Variants in NOMO3 observed in about 807,000 individuals in gnomAD.
NOMO3 encodes NODAL modulator 3.
In NOMO3, 15 loss-of-function variants were observed where a neutral mutation model predicts 69.9. The observed-to-expected ratio is 0.21, with a 90% CI of 0.14 to 0.33. The LOEUF is 0.33. Ranked by LOEUF, NOMO3 falls within the 10% of genes least tolerant of loss-of-function variation. The pLI, the probability that NOMO3 is intolerant of heterozygous loss-of-function variation, is 1.00. For missense variants in NOMO3, 218 were observed against 761.0 expected, an observed-to-expected ratio of 0.29 and a Z score of 8.39; for synonymous variants, 89 against 301.9, an observed-to-expected ratio of 0.29 and a Z score of 7.31.
chr16:16,265,304 C>A (rs2049602641), intron 15 of NOMO3, 125 bp downstream of exon 15: 1 of 1,567,130 alleles, frequency 6.4e-7, no homozygotes, highest in Non-Finnish European at 8.6e-7. Context: ...CCTCTGCACT[C>A]ACCCACCTGT....
rs549481435 is a variant in NOMO3, at chr16:16,257,692, G to T, written c.1220+1534G>T. ...CATAGGAGCTAAGAAAGTAAGTTTGGGGTAGGAGGTAGGGCCCAACAGGGA... is the reference window on the plus strand; with the variant it reads ...CATAGGAGCTAAGAAAGTAAGTTTGTGGTAGGAGGTAGGGCCCAACAGGGA... On this transcript the variant is annotated intron_variant, in intron 11 of 30. Transcript: ENST00000399336. 1.5e-4 allele frequency among the ~76,000 whole-genome samples: 22 copies of T among 142,980 alleles called. 2 individuals carry two copies. Among genetic ancestry groups the T allele is most frequent in the Admixed American group, 8.1e-4 (12 of 14,776 alleles). The allele number at this position is 142,980 out of a possible 152,430, so 93.8% of individuals were successfully genotyped here.
At chr16:16,266,170 A>AT (rs1326766328) in intron 15 of NOMO3, among the ~76,000 whole-genome samples, 1 of 138,746 alleles carries the variant, frequency 7.2e-6, no homozygotes, top group Non-Finnish European at 1.5e-5. Flanking sequence ...GGCAGATGTC[A>AT]TCGTCAGGTC....
chr16:16,232,541 T>TGGC lies in NOMO3; in HGVS notation c.-117_-115dup. 3 of 1,231,484 alleles carry TGGC rather than the reference T, an allele frequency of 2.4e-6. No homozygotes were observed. Among genetic ancestry groups the TGGC allele is most frequent in the Non-Finnish European group, 1.0e-6 (1 of 979,832 alleles). The allele number at this position is 1,231,484 out of a possible 1,614,324, so 76.3% of individuals were successfully genotyped here. ...CGAAGCGCGCGTGCGCGGCGGCGGC[T>TGGC]GGCGGCGGCGGTGGGGCGGGGCCTG... On this transcript the variant is annotated 5_prime_UTR_variant, in exon 1 of 31. Coordinates refer to ENST00000399336, the MANE Select transcript of NOMO3 (RefSeq NM_001004067.4).
intron 15 of NOMO3, among the ~76,000 whole-genome samples, chr16:16,265,994 C>G (rs1381740110): frequency 6.2e-5 from 9 of 145,656 alleles, no homozygotes; most frequent in Non-Finnish European, 1.3e-4. Flanking sequence ...TGTGCCCCAC[C>G]TTCTCTGGTG....
At chr16:16,266,635 C>T (rs1470388338) in intron 15 of NOMO3, 1 of 395,586 alleles carries the variant, frequency 2.5e-6, no homozygotes, top group African/African-American at 2.9e-5. Flanking sequence ...GCCCTGGGAC[C>T]AGCGAGCTAA....
At position 16,237,484 on chromosome 16, in the gene NOMO3, G is replaced by C. The variant is rs111577264; in HGVS notation, c.255+494G>C. Among the ~76,000 whole-genome samples, 17 of 143,466 alleles carry C rather than the reference G, an allele frequency of 1.2e-4. 1 individual carries two copies. Among genetic ancestry groups the C allele is most frequent in the East Asian group, 9.0e-4 (4 of 4,464 alleles). The allele number at this position is 143,466 out of a possible 152,430, so 94.1% of individuals were successfully genotyped here. ...TGTGAAATAAATTTGTACCCTTTTC[G>C]CTCCAATTTTACCTCCCTCTGTAGT... On this transcript the variant is annotated intron_variant, in intron 2 of 30. Transcript: ENST00000399336.
chr16:16,244,531 T>C (rs2049401841), intron 4 of NOMO3, among the ~76,000 whole-genome samples: 1 of 95,230 alleles, frequency 1.1e-5, no homozygotes, highest in Non-Finnish European at 2.0e-5. Context: ...TTTTTTTTTT[T>C]TTTTAAGATG....
chr16:16,255,602 T>C (rs2049503443), intron 9 of NOMO3, 118 bp from the exon 10 acceptor site: 1 of 656,462 alleles, frequency 1.5e-6, no homozygotes, highest in Non-Finnish European at 2.7e-6. Flanking sequence ...GGGCACTGAG[T>C]GTTGGGAGGT....
intron 15 of NOMO3, among the ~76,000 whole-genome samples, chr16:16,265,637 G>GATATATCT (rs2049607141): frequency 2.4e-5 from 1 of 42,380 alleles, no homozygotes; most frequent in Non-Finnish European, 3.5e-5. Context: ...GAGTTTCTCT[G>GATATATCT]ATATATATAT....
At position 16,252,311 on chromosome 16, in the gene NOMO3, T is replaced by C. The variant is rs1301448963; in HGVS notation, c.874-122T>C. 2.4e-5 allele frequency: 35 copies of C among 1,482,174 alleles called. 1 individual carries two copies. Among genetic ancestry groups the C allele is most frequent in the Non-Finnish European group, 2.7e-5 (30 of 1,092,206 alleles). 91.8% of individuals were successfully genotyped at this position (1,482,174 alleles called of 1,614,324 possible). Reference sequence around the variant, plus strand: ...CCTCTTTTCAAATCTGCAACAGTTATGATGAATGTTTCTCTTGGTCTGTCT... The same window carrying C: ...CCTCTTTTCAAATCTGCAACAGTTACGATGAATGTTTCTCTTGGTCTGTCT... On this transcript the variant is annotated intron_variant, in intron 8 of 30. Coordinates refer to ENST00000399336, the MANE Select transcript of NOMO3 (RefSeq NM_001004067.4).
At chr16:16,266,391 T>C (rs1346824603) in intron 15 of NOMO3, among the ~76,000 whole-genome samples, 3 of 123,032 alleles carry the variant, frequency 2.4e-5, no homozygotes, top group Admixed American at 2.4e-4. Flanking sequence ...AAGATCCTTT[T>C]TTTTTTTTTT....
intron 15 of NOMO3, among the ~76,000 whole-genome samples, chr16:16,265,670 A>ATATATAT (rs1237877207): frequency 6.0e-5 from 1 of 16,684 alleles, no homozygotes; most frequent in African/African-American, 3.1e-4. Flanking sequence ...ATATATATAT[A>ATATATAT]TTTTTTTTTT....
At position 16,237,071 on chromosome 16, in the gene NOMO3, C is replaced by T. The variant is rs1487008276; in HGVS notation, c.255+81C>T. The T allele has an allele frequency of 3.2e-6, 5 of 1,580,576 alleles. 1 individual carries two copies. The East Asian group carries it at 7.4e-5, about 23-fold the overall frequency. ...GCTGCATTAACCATGTCCTTTCCTA[C>T]ACTAGCAAATGCTCATCTGTTTTGT... is the stretch of plus-strand genomic sequence containing the variant. On this transcript the variant is annotated intron_variant, in intron 2 of 30. Coordinates refer to ENST00000399336, the MANE Select transcript of NOMO3 (RefSeq NM_001004067.4).
intron 3 of NOMO3, among the ~76,000 whole-genome samples, chr16:16,241,166 A>C (rs3021044): frequency 2.8e-4 from 41 of 145,026 alleles, no homozygotes; most frequent in African/African-American, 4.4e-4. Flanking sequence ...CTGGGTGCTC[A>C]TTAGCCATCC....
rs111972089 is a variant in NOMO3, at chr16:16,245,457, T to G, written c.509+283T>G. Reference sequence around the variant, plus strand: ...TAATGCCAGCACTTTGGGAGGCCAGTATGGGAGGATCACTTGAGTTCAGGA... The same window carrying G: ...TAATGCCAGCACTTTGGGAGGCCAGGATGGGAGGATCACTTGAGTTCAGGA... On this transcript the variant is annotated intron_variant, in intron 5 of 30. Transcript: ENST00000399336. 4.7e-4 allele frequency among the ~76,000 whole-genome samples: 68 copies of G among 144,074 alleles called. 1 individual carries two copies. The highest frequency in any genetic ancestry group is 5.6e-4 in the Non-Finnish European group (38 of 67,296). 94.5% of individuals were successfully genotyped at this position (144,074 alleles called of 152,430 possible).
chr16:16,249,497 G>A (rs1262462629), intron 6 of NOMO3, among the ~76,000 whole-genome samples: 3 of 134,658 alleles, frequency 2.2e-5, no homozygotes, highest in Non-Finnish European at 3.0e-5. Flanking sequence ...CAGGAGAATC[G>A]CTTGAACCTG....
chr16:16,264,606 C>T lies in NOMO3; in HGVS notation c.1670-437C>T, dbSNP rs1236861397. On this transcript the variant is annotated intron_variant, in intron 14 of 30. Coordinates refer to ENST00000399336, the MANE Select transcript of NOMO3 (RefSeq NM_001004067.4). The stretch of plus-strand genomic sequence containing the variant: ...TGTCACCCAGGCCGGAGTGTGGTGG[C>T]GCGACCTTGGCTCACTGCAACCTCT... Among the ~76,000 whole-genome samples the T allele has an allele frequency of 5.0e-5, 6 of 119,842 alleles. No homozygotes were observed. The South Asian group carries it at 8.6e-4, about 17-fold the overall frequency. 78.6% of individuals were successfully genotyped at this position (119,842 alleles called of 152,430 possible).
rs1339977455 is a variant in NOMO3 at position 16,232,814 on chromosome 16, A to G, written c.148A>G (p.Asn50Asp). The G allele has an allele frequency of 2.1e-6, 1 of 475,212 alleles. No individual in the cohort carries two copies. Among genetic ancestry groups the G allele is most frequent in the Admixed American group, 6.8e-5 (1 of 14,684 alleles). 29.4% of individuals were successfully genotyped at this position (475,212 alleles called of 1,614,324 possible). A position where few individuals can be genotyped will look rare whatever the true frequency, so the allele number is the denominator to read the frequency against. ...CTTCGTCAAGTCGGACGTGGAGATC[A>G]ACTACTCTCTCATCGAGGTGAGCGC... ...GGFVKSDVEI[N>D]YSLIEIKLYT... is the part of the protein sequence containing the mutation. The change falls in exon 1 of 31, where the codon AAC becomes GAC. Residue 50 changes from asparagine (N) to aspartate (D), a missense_variant. Physicochemically the swap from Asn to Asp is conservative, Grantham distance 23 (BLOSUM62 1). Transcript: ENST00000399336.
intron 16 of NOMO3, among the ~76,000 whole-genome samples, chr16:16,269,096 A>G (rs1489119273): frequency 7.0e-6 from 1 of 143,026 alleles, no homozygotes; most frequent in Non-Finnish European, 1.5e-5. Flanking sequence ...CTCTGTGGAC[A>G]TCTCCTCCTG....
Sources: gnomAD v4.1 joint callset for allele counts (sites outside exome capture counted in the v4.1 genomes callset) on GRCh38, gnomAD v4.1.1 for gene constraint, MANE v1.5 for transcripts, NCBI Gene and HGNC (gene_info 2026-07-23, HGNC 2026-07-21) for gene names.